C3orf33: variants seen among roughly 807,000 people sequenced by gnomAD.
C3orf33 encodes the protein mitochondrial inner membrane subdomain organizer 1.
C3orf33 carries 23 observed loss-of-function variants against 28.7 expected under a neutral mutation model. The observed-to-expected ratio is 0.80, with a 90% CI of 0.58 to 1.13. C3orf33 has a LOEUF of 1.13. Among genes scored for constraint, C3orf33 ranks in the 50% most tolerant of loss-of-function variants. The probability of loss-of-function intolerance (pLI) is 0.00; values close to 1 mark genes in which losing one functional copy is unlikely to be tolerated. For synonymous variants in C3orf33, 119 were observed against 120.5 expected (o/e 0.99, Z 0.08); for missense variants, 327 against 353.4 (o/e 0.93, Z 0.60).
intron 2 of C3orf33, among the ~76,000 whole-genome samples, chr3:155,794,120 T>C (rs1751412398): frequency 6.6e-6 from 1 of 151,854 alleles, no homozygotes; most frequent in African/African-American, 2.4e-5. Flanking sequence ...TAGCTGGGAT[T>C]ACAGGTGTGC....
intron 2 of C3orf33, among the ~76,000 whole-genome samples, chr3:155,784,024 C>T (rs753656597): frequency 1.1e-4 from 16 of 151,860 alleles, no homozygotes; most frequent in Non-Finnish European, 2.1e-4. Context: ...CTCCGCCTCC[C>T]GGGTTCAACC....
At chr3:155,774,599 A>G (rs1275557654) in intron 3 of C3orf33, among the ~76,000 whole-genome samples, 1 of 151,734 alleles carries the variant, frequency 6.6e-6, no homozygotes, top group Admixed American at 6.6e-5. Flanking sequence ...CATGCAGCCC[A>G]GGATGGCTTT....
chr3:155,801,933 G>A (rs1751662029), intron 2 of C3orf33, among the ~76,000 whole-genome samples: 2 of 152,116 alleles, frequency 1.3e-5, no homozygotes, highest in Non-Finnish European at 2.9e-5. Flanking sequence ...TGTATTTTTA[G>A]TAGAGACAGG....
chr3:155,784,791 A>G (rs1358148725), intron 2 of C3orf33, among the ~76,000 whole-genome samples: 1 of 151,348 alleles, frequency 6.6e-6, no homozygotes, highest in Non-Finnish European at 1.5e-5. Context: ...ACAAAATACA[A>G]AAACACAGTA....
At chr3:155,783,939 T>G (rs1017746414) in intron 2 of C3orf33, among the ~76,000 whole-genome samples, 2 of 151,716 alleles carry the variant, frequency 1.3e-5, no homozygotes, top group African/African-American at 4.8e-5. Flanking sequence ...GTTTTTTTTT[T>G]GTTTTTTTTG....
chr3:155,794,937 G>A (rs1751433713), intron 2 of C3orf33, among the ~76,000 whole-genome samples: 1 of 152,138 alleles, frequency 6.6e-6, no homozygotes, highest in South Asian at 2.1e-4. Context: ...TAGAGCTAAA[G>A]AGATAGGTCC....
At chr3:155,765,737 G>T (rs1750383648) in intron 4 of C3orf33, among the ~76,000 whole-genome samples, 1 of 151,944 alleles carries the variant, frequency 6.6e-6, no homozygotes, top group African/African-American at 2.4e-5. Context: ...TAGTAGTGAT[G>T]GGGTTTCACC....
intron 2 of C3orf33, among the ~76,000 whole-genome samples, chr3:155,788,519 C>T (rs1049951000): frequency 1.2e-4 from 18 of 151,810 alleles, no homozygotes; most frequent in Admixed American, 9.2e-4. Context: ...CCTGTCTCTA[C>T]TAAAAATACA....
At chr3:155,775,992 T>C (rs1577417775) in intron 2 of C3orf33, 144 bp from the exon 3 acceptor site, 1 of 578,638 alleles carries the variant, frequency 1.7e-6, no homozygotes. Context: ...ATTACTTTAA[T>C]ATGATTTAAT....
At chr3:155,766,397 T>G in intron 4 of C3orf33, among the ~76,000 whole-genome samples, 1 of 152,318 alleles carries the variant, frequency 6.6e-6, no homozygotes, top group East Asian at 1.9e-4. Flanking sequence ...GGCAACATCT[T>G]TAGATGACTC....
chr3:155,763,397 T>A lies in C3orf33; in HGVS notation c.*120A>T. On this transcript the variant is annotated 3_prime_UTR_variant, in exon 5 of 5. Transcript: ENST00000340171. Reference sequence around the variant, plus strand: ...TAATCATCTCTTTTTAATATTTAAATACCATTGGACTAACACTTTGATCAT... The same window carrying A: ...TAATCATCTCTTTTTAATATTTAAAAACCATTGGACTAACACTTTGATCAT... 1.7e-6 allele frequency: 1 copy of A among 574,546 alleles called. No individual in the cohort carries two copies. 35.6% of individuals were successfully genotyped at this position (574,546 alleles called of 1,614,324 possible). A position where few individuals can be genotyped will look rare whatever the true frequency, so the allele number is the denominator to read the frequency against.
intron 2 of C3orf33, among the ~76,000 whole-genome samples, chr3:155,796,080 G>A (rs1751469148): frequency 1.3e-5 from 2 of 151,742 alleles, no homozygotes; most frequent in African/African-American, 4.8e-5. Flanking sequence ...AAAGCAAACA[G>A]GAATCCATTT....
intron 4 of C3orf33, among the ~76,000 whole-genome samples, chr3:155,764,242 G>GTC (rs1750326490): frequency 6.6e-6 from 1 of 152,172 alleles, no homozygotes; most frequent in Non-Finnish European, 1.5e-5. Context: ...TGGAGGGGAA[G>GTC]TGGGACACCC....
At chr3:155,788,968 CAAGTAA>C (rs1031273752) in intron 2 of C3orf33, among the ~76,000 whole-genome samples, 22 of 152,236 alleles carry the variant, frequency 1.4e-4, no homozygotes, top group African/African-American at 5.3e-4. Flanking sequence ...CAAATTCAAC[CAAGTAA>C]AAGAATACAA....
intron 4 of C3orf33, among the ~76,000 whole-genome samples, chr3:155,766,858 GA>G (rs1559987113): frequency 6.6e-6 from 1 of 151,968 alleles, no homozygotes; most frequent in African/African-American, 2.4e-5. Flanking sequence ...GCTGAAGCAG[GA>G]GAATTGCTTA....
chr3:155,782,130 T>C (rs1042031575), intron 2 of C3orf33, among the ~76,000 whole-genome samples: 19 of 141,712 alleles, frequency 1.3e-4, no homozygotes, highest in Admixed American at 4.4e-4. Context: ...ATCATGCCAA[T>C]GCACTCCAGC....
chr3:155,788,182 C>G (rs1413147687), intron 2 of C3orf33, among the ~76,000 whole-genome samples: 1 of 141,652 alleles, frequency 7.1e-6, no homozygotes, highest in Non-Finnish European at 1.6e-5. Context: ...CAGAGCGAGA[C>G]TCCGTCTCAA....
chr3:155,792,332 T>A (rs1217835712), intron 2 of C3orf33, among the ~76,000 whole-genome samples: 1 of 152,088 alleles, frequency 6.6e-6, no homozygotes, highest in Admixed American at 6.6e-5. Flanking sequence ...CCAAGTGCAT[T>A]CAAATACCTG....
intron 2 of C3orf33, among the ~76,000 whole-genome samples, chr3:155,791,613 T>C (rs1751318265): frequency 6.6e-6 from 1 of 151,216 alleles, no homozygotes; most frequent in African/African-American, 2.4e-5. Context: ...GATGGGAGAG[T>C]CCCAGGACTG....
Sources: allele counts gnomAD v4.1 joint callset (sites outside exome capture counted in the v4.1 genomes callset), GRCh38; gene constraint gnomAD v4.1.1; transcripts MANE v1.5; gene names NCBI Gene and HGNC (gene_info 2026-07-23, HGNC 2026-07-21).